OLFM3: variants seen among roughly 807,000 people sequenced by gnomAD.
OLFM3 encodes noelin-3.
OLFM3 carries 20 observed loss-of-function variants against 48.6 expected under a neutral mutation model. The ratio of observed to expected loss-of-function variants is 0.41; its 90% CI spans 0.29 to 0.60. The LOEUF (loss-of-function observed/expected upper bound fraction) is 0.60, where lower values mean the gene tolerates loss of function less well. OLFM3 is among the 20% of genes least tolerant of loss of function. OLFM3 has a pLI of 0.28. For missense variants in OLFM3, 437 were observed against 544.3 expected, an observed-to-expected ratio of 0.80 and a Z score of 1.96; for synonymous variants, 222 against 198.1, an observed-to-expected ratio of 1.12 and a Z score of -1.01.
Position 101,857,967 on chromosome 1 carries a change from AT to A in OLFM3, c.70-20943del, listed in dbSNP as rs1426777341. 3.9e-5 allele frequency among the ~76,000 whole-genome samples: 6 copies of A among 152,156 alleles called. No individual in the cohort carries two copies. The East Asian group carries it at 1.2e-3, about 29-fold the overall frequency. On this transcript the variant is annotated intron_variant, in intron 1 of 5. Coordinates refer to ENST00000370103, the MANE Select transcript of OLFM3 (RefSeq NM_058170.4). ...AACAAAACAAAACAACTTTTTTCTTATCTGAACATTGAAAATGCATGTGTAG... is the reference window on the plus strand; with the variant it reads ...AACAAAACAAAACAACTTTTTTCTTACTGAACATTGAAAATGCATGTGTAG...
At chr1:101,855,839 G>T (rs1170835000) in intron 1 of OLFM3, among the ~76,000 whole-genome samples, 1 of 152,080 alleles carries the variant, frequency 6.6e-6, no homozygotes, top group African/African-American at 2.4e-5. Flanking sequence ...TTGGGAAATT[G>T]CCTGGTGATC....
chr1:101,857,834 C>T (rs1175688423), intron 1 of OLFM3, among the ~76,000 whole-genome samples: 1 of 152,000 alleles, frequency 6.6e-6, no homozygotes, highest in Non-Finnish European at 1.5e-5. Flanking sequence ...CATTTTTAAC[C>T]ATTGCCTAGG....
chr1:101,806,012 C>A, intron 5 of OLFM3, 64 bp downstream of exon 5: 1 of 1,231,090 alleles, frequency 8.1e-7, no homozygotes, highest in Non-Finnish European at 1.2e-6. Flanking sequence ...AATGAATAGT[C>A]CAGAAGAGAA....
chr1:101,862,273 A>G (rs1298680523), intron 1 of OLFM3, among the ~76,000 whole-genome samples: 1 of 152,218 alleles, frequency 6.6e-6, no homozygotes, highest in Non-Finnish European at 1.5e-5. Context: ...TCTGATTTCA[A>G]ACGGCAGAGT....
At chr1:101,855,502 T>A (rs1570566173) in intron 1 of OLFM3, among the ~76,000 whole-genome samples, 3 of 152,248 alleles carry the variant, frequency 2.0e-5, no homozygotes, top group African/African-American at 7.2e-5. Context: ...TCAAATTTAG[T>A]CTTTTTAAAA....
intron 3 of OLFM3, among the ~76,000 whole-genome samples, chr1:101,827,822 C>T (rs1654935040): frequency 1.3e-5 from 2 of 152,086 alleles, no homozygotes; most frequent in Admixed American, 1.3e-4. Context: ...AATTACTCAA[C>T]CTCTTTGATA....
rs191467857 is a variant in OLFM3 at position 101,911,879 on chromosome 1, A to G, written c.70-74854T>C. On this transcript the variant is annotated intron_variant, in intron 1 of 5. Coordinates refer to ENST00000370103, the MANE Select transcript of OLFM3 (RefSeq NM_058170.4). ...AAATTACTTCTTTGAACTTTCTCCC[A>G]TATCTTGAATCTCCAACCTTATTTA... is the stretch of plus-strand genomic sequence containing the variant. 1.0e-3 allele frequency among the ~76,000 whole-genome samples: 153 copies of G among 152,336 alleles called. 1 individual carries two copies. The highest frequency in any genetic ancestry group is 3.6e-3 in the African/African-American group (150 of 41,582).
intron 1 of OLFM3, among the ~76,000 whole-genome samples, chr1:101,955,700 C>T (rs143558556): frequency 2.2e-4 from 33 of 151,998 alleles, no homozygotes; most frequent in African/African-American, 7.2e-4. Context: ...TCACTTCTAA[C>T]TATATATATT....
At chr1:101,867,550 C>G (rs1359779331) in intron 1 of OLFM3, among the ~76,000 whole-genome samples, 1 of 152,130 alleles carries the variant, frequency 6.6e-6, no homozygotes, top group Non-Finnish European at 1.5e-5. Context: ...AGACAGTTTT[C>G]TGTTTTCTGA....
chr1:101,814,454 A>C (rs1465483180), intron 4 of OLFM3, among the ~76,000 whole-genome samples: 3 of 152,206 alleles, frequency 2.0e-5, no homozygotes, highest in African/African-American at 4.8e-5. Flanking sequence ...AGATTTAAGT[A>C]GGGCAATTTT....
intron 1 of OLFM3, among the ~76,000 whole-genome samples, chr1:101,891,004 A>G (rs986030607): frequency 6.6e-6 from 1 of 151,998 alleles, no homozygotes; most frequent in Non-Finnish European, 1.5e-5. Flanking sequence ...AAATATTTAG[A>G]TAATCTGGGA....
intron 4 of OLFM3, among the ~76,000 whole-genome samples, chr1:101,822,513 C>T (rs1161009225): frequency 1.3e-5 from 2 of 152,054 alleles, no homozygotes; most frequent in Non-Finnish European, 2.9e-5. Context: ...GTTGGTTTCT[C>T]TATAACAAAT....
At chr1:101,976,881 T>C (rs922075208) in intron 1 of OLFM3, among the ~76,000 whole-genome samples, 6 of 152,176 alleles carry the variant, frequency 3.9e-5, no homozygotes, top group Non-Finnish European at 5.9e-5. Flanking sequence ...CATACATTAA[T>C]AGATGTACTT....
At chr1:101,981,869 A>C (rs563700650) in intron 1 of OLFM3, among the ~76,000 whole-genome samples, 2 of 152,336 alleles carry the variant, frequency 1.3e-5, no homozygotes, top group Admixed American at 6.5e-5. Context: ...AATGAGTAAA[A>C]TAATGAAAGA....
intron 1 of OLFM3, among the ~76,000 whole-genome samples, chr1:101,846,002 T>TA (rs1314095013): frequency 3.5e-4 from 53 of 152,350 alleles, no homozygotes; most frequent in African/African-American, 1.2e-3. Context: ...TCTGTACCTT[T>TA]TATTTCAGGG....
chr1:101,940,938 C>CT (rs1180419530), intron 1 of OLFM3, among the ~76,000 whole-genome samples: 3 of 152,072 alleles, frequency 2.0e-5, no homozygotes, highest in Non-Finnish European at 4.4e-5. Flanking sequence ...AACACAGTGT[C>CT]TTATTTCCTG....
chr1:101,963,590 A>T (rs1156649244), intron 1 of OLFM3, among the ~76,000 whole-genome samples: 1 of 149,636 alleles, frequency 6.7e-6, no homozygotes, highest in Non-Finnish European at 1.5e-5. Flanking sequence ...CTTTCTCTTT[A>T]AAAAAAAAAT....
At chr1:101,974,131 A>T (rs1347665797) in intron 1 of OLFM3, among the ~76,000 whole-genome samples, 1 of 151,818 alleles carries the variant, frequency 6.6e-6, no homozygotes, top group Non-Finnish European at 1.5e-5. Flanking sequence ...ACTAACAAAA[A>T]ATTTAGTGGC....
chr1:101,972,794 A>G (rs1660844328), intron 1 of OLFM3, among the ~76,000 whole-genome samples: 1 of 152,222 alleles, frequency 6.6e-6, no homozygotes, highest in Non-Finnish European at 1.5e-5. Flanking sequence ...TCAAAAGCTT[A>G]GACCCTCCTC....
Sources: gnomAD v4.1 joint callset for allele counts (sites outside exome capture counted in the v4.1 genomes callset) on GRCh38, gnomAD v4.1.1 for gene constraint, MANE v1.5 for transcripts, NCBI Gene and HGNC (gene_info 2026-07-23, HGNC 2026-07-21) for gene names.